MYO1H: variants seen among roughly 807,000 people sequenced by gnomAD.
MYO1H encodes the protein unconventional myosin-Ih.
Under a neutral mutation model 149.3 loss-of-function variants are expected in MYO1H, and 118 were observed. The observed-to-expected ratio is 0.79, with a 90% CI of 0.68 to 0.92. The LOEUF (loss-of-function observed/expected upper bound fraction) is 0.92. Ranked by LOEUF, MYO1H falls within the 40% of genes least tolerant of loss-of-function variation. The probability of loss-of-function intolerance (pLI) is 0.00; values close to 1 mark genes in which losing one functional copy is unlikely to be tolerated. For synonymous variants in MYO1H, 447 were observed against 465.2 expected (o/e 0.96, Z 0.50); for missense variants, 1,212 against 1,280.7 (o/e 0.95, Z 0.82).
At chr12:109,318,966 GGTTTTGTT>G in the MYO1H span, among the ~76,000 whole-genome samples, 1 of 61,262 alleles carries the variant, frequency 1.6e-5, no homozygotes, top group South Asian at 6.1e-4. Context: ...CTGCGTTTTT[GGTTTTGTT>G]TTTTTTTTTT....
intron 19 of MYO1H, among the ~76,000 whole-genome samples, chr12:109,431,249 G>A (rs932992265): frequency 2.0e-5 from 3 of 149,898 alleles, no homozygotes; most frequent in African/African-American, 4.9e-5. Context: ...GTGTGGTGGC[G>A]GGCACCTGTA....
intron 14 of MYO1H, among the ~76,000 whole-genome samples, 172 bp downstream of exon 14, chr12:109,412,157 T>C (rs1187509380): frequency 6.6e-6 from 1 of 152,158 alleles, no homozygotes; most frequent in Non-Finnish European, 1.5e-5. Flanking sequence ...TAAACCTAAA[T>C]GAATTATAAT....
At chr12:109,432,786 G>A (rs1386051020) in intron 19 of MYO1H, 111 bp from the exon 20 acceptor site, 1 of 808,796 alleles carries the variant, frequency 1.2e-6, no homozygotes, top group African/African-American at 1.7e-5. Flanking sequence ...TACATACACT[G>A]AGTGGCCGAC....
At chr12:109,440,196 T>C (rs1872057882) in intron 24 of MYO1H, among the ~76,000 whole-genome samples, 1 of 152,076 alleles carries the variant, frequency 6.6e-6, no homozygotes, top group Non-Finnish European at 1.5e-5. Flanking sequence ...CCACCATGCC[T>C]GGCTAATTTT....
intron 3 of MYO1H, among the ~76,000 whole-genome samples, chr12:109,393,719 A>G (rs1023244885): frequency 3.3e-5 from 5 of 152,102 alleles, no homozygotes; most frequent in Middle Eastern, 3.4e-3. Flanking sequence ...ATCCATCTAA[A>G]TCCTTGATGC....
At chr12:109,429,705 A>G (rs1045666955) in intron 19 of MYO1H, among the ~76,000 whole-genome samples, 6 of 152,178 alleles carry the variant, frequency 3.9e-5, no homozygotes, top group Non-Finnish European at 7.3e-5. Flanking sequence ...TTATTTGAAG[A>G]AAAGTGAATC....
chr12:109,436,597 C>T, intron 22 of MYO1H, 41 bp downstream of exon 22: 1 of 1,430,840 alleles, frequency 7.0e-7, no homozygotes, highest in Non-Finnish European at 9.7e-7. Context: ...CTCCCTTTCT[C>T]ATCTGCTTGG....
At chr12:109,314,516 C>A in the MYO1H span, among the ~76,000 whole-genome samples, 1 of 152,186 alleles carries the variant, frequency 6.6e-6, no homozygotes, top group Non-Finnish European at 1.5e-5. Context: ...AGGGTGACAG[C>A]CCTCTAGGAA....
intron 1 of MYO1H, among the ~76,000 whole-genome samples, chr12:109,378,726 C>A (rs1024859192): frequency 1.8e-4 from 27 of 150,400 alleles, no homozygotes; most frequent in African/African-American, 6.6e-4. Context: ...TCAGGCTACT[C>A]GTAGTGGAAG....
intron 10 of MYO1H, among the ~76,000 whole-genome samples, 196 bp from the exon 11 acceptor site, chr12:109,409,361 T>C (rs952767312): frequency 2.0e-5 from 3 of 146,610 alleles, no homozygotes; most frequent in African/African-American, 7.6e-5. Context: ...GTGATGGCTA[T>C]GGAAGCTGCA....
chr12:109,362,302 T>G (rs1046431299), intron 1 of MYO1H, among the ~76,000 whole-genome samples: 5 of 152,216 alleles, frequency 3.3e-5, no homozygotes, highest in Admixed American at 6.5e-5. Context: ...GCCTTCTAGT[T>G]TTGATGTGAA....
chr12:109,355,330 C>T (rs902998628), intron 1 of MYO1H, among the ~76,000 whole-genome samples: 7 of 152,094 alleles, frequency 4.6e-5, no homozygotes, highest in Non-Finnish European at 7.3e-5. Flanking sequence ...GGGAAACGTG[C>T]GACTGGGTCA....
intron 27 of MYO1H, 131 bp from the exon 28 acceptor site, chr12:109,443,382 AC>A (rs1872324029): frequency 1.2e-6 from 1 of 845,656 alleles, no homozygotes; most frequent in African/African-American, 1.7e-5. Context: ...ACACACACAC[AC>A]ACACACACAC....
Position 109,427,596 on chromosome 12 carries a change from G to C in MYO1H, c.1949+10G>C. 7 of 1,579,522 alleles carry C rather than the reference G, an allele frequency of 4.4e-6. No homozygotes were observed. Among genetic ancestry groups the C allele is most frequent in the Non-Finnish European group, 6.1e-6 (7 of 1,149,390 alleles). On this transcript the variant is annotated intron_variant, in intron 19 of 31. Transcript: ENST00000310903. ...AGCATTTCTTGCAAAGGTAAAATGT[G>C]CTTTATTGATCTGAAGCCAATAGTC...
chr12:109,363,527 A>G (rs2137007752), intron 1 of MYO1H, among the ~76,000 whole-genome samples: 1 of 152,298 alleles, frequency 6.6e-6, no homozygotes, highest in Admixed American at 6.5e-5. Context: ...AGCCTGGCCA[A>G]CATGGTGAAA....
intron 1 of MYO1H, among the ~76,000 whole-genome samples, chr12:109,372,149 C>T (rs1868995726): frequency 1.3e-5 from 2 of 151,958 alleles, no homozygotes; most frequent in Non-Finnish European, 1.5e-5. Context: ...ATATTTTCTA[C>T]GTAGTTGAAT....
At chr12:109,379,726 A>G (rs1431881826) in intron 1 of MYO1H, among the ~76,000 whole-genome samples, 1 of 146,134 alleles carries the variant, frequency 6.8e-6, no homozygotes, top group Non-Finnish European at 1.5e-5. Context: ...TAGCAATTTT[A>G]ACCTTTTTTT....
intron 12 of MYO1H, 109 bp from the exon 13 acceptor site, chr12:109,410,579 A>C: frequency 2.8e-6 from 2 of 715,682 alleles, no homozygotes; most frequent in Non-Finnish European, 4.8e-6. Context: ...TTAAGGTTGA[A>C]TATAAAAACT....
intron 1 of MYO1H, among the ~76,000 whole-genome samples, chr12:109,384,871 G>T (rs958450277): frequency 1.3e-5 from 2 of 152,066 alleles, no homozygotes; most frequent in Non-Finnish European, 2.9e-5. Context: ...AATATTTCTG[G>T]GTGCAGCTCC....
Sources: allele counts gnomAD v4.1 joint callset (sites outside exome capture counted in the v4.1 genomes callset), GRCh38; gene constraint gnomAD v4.1.1; transcripts MANE v1.5; gene names NCBI Gene and HGNC (gene_info 2026-07-23, HGNC 2026-07-21).